Variants in NLN observed in about 807,000 individuals in gnomAD.
NLN encodes neurolysin, mitochondrial.
NLN carries 64 observed loss-of-function variants against 79.9 expected under a neutral mutation model. That is an observed-to-expected ratio of 0.80 (90% CI 0.65 to 0.99). The LOEUF is 0.99. Among genes scored for constraint, NLN ranks in the 50% least tolerant of loss-of-function variants. NLN has a pLI of 0.00. For synonymous variants in NLN, 267 were observed against 296.6 expected (o/e 0.90, Z 1.02); for missense variants, 835 against 858.7 (o/e 0.97, Z 0.34).
chr5:65,822,012 GTA>G lies in NLN; in HGVS notation c.1981-765_1981-764del, dbSNP rs1470488761. ...TTACTCTGTGAATTGTTTATTATCT[GTA>G]TATTTGGAATTATGCTTCTGAATTG... On this transcript the variant is annotated intron_variant, in intron 12 of 12. Transcript: ENST00000380985. Among the ~76,000 whole-genome samples the G allele has an allele frequency of 9.2e-5, 14 of 152,072 alleles. No individual in the cohort carries two copies. The East Asian group carries it at 2.3e-3, about 25-fold the overall frequency.
rs572607053 is a variant in NLN, at chr5:65,772,004, A to G, written c.451-5423A>G. Among the ~76,000 whole-genome samples the G allele has an allele frequency of 2.0e-5, 3 of 150,806 alleles. No homozygotes were observed. In the East Asian group the frequency reaches 5.8e-4, roughly 29 times the overall value. ...ATATCCCAAATTCATTTACAATTTCATTCCTTTTATTTTCCATGTCTTCTT... is the reference window on the plus strand; with the variant it reads ...ATATCCCAAATTCATTTACAATTTCGTTCCTTTTATTTTCCATGTCTTCTT... On this transcript the variant is annotated intron_variant, in intron 3 of 12. Coordinates refer to ENST00000380985, the MANE Select transcript of NLN (RefSeq NM_020726.5).
At chr5:65,776,319 T>G (rs1445922324) in intron 3 of NLN, among the ~76,000 whole-genome samples, 1 of 152,220 alleles carries the variant, frequency 6.6e-6, no homozygotes, top group Non-Finnish European at 1.5e-5. Flanking sequence ...TAGTATTTAG[T>G]TAAAATACAA....
At chr5:65,794,858 C>T (rs1281130182) in intron 9 of NLN, among the ~76,000 whole-genome samples, 3 of 152,092 alleles carry the variant, frequency 2.0e-5, no homozygotes, top group African/African-American at 7.2e-5. Context: ...ATAATTCTGT[C>T]ACCTTTGTTT....
rs1391510023 is a variant in NLN at position 65,829,109 on chromosome 5, T to C, written c.*6194T>C. Reference sequence around the variant, plus strand: ...CTGTCCATTCCACTCACTACTGTCTTCATCACACACACAGAGGCAAACGTC... The same window carrying C: ...CTGTCCATTCCACTCACTACTGTCTCCATCACACACACAGAGGCAAACGTC... On this transcript the variant is annotated 3_prime_UTR_variant, in exon 13 of 13. Transcript: ENST00000380985. 1 of 152,166 alleles carries C rather than the reference T, an allele frequency of 6.6e-6. No individual in the cohort carries two copies. Among genetic ancestry groups the C allele is most frequent in the African/African-American group, 2.4e-5 (1 of 41,442 alleles). The allele number at this position is 152,166 out of a possible 1,614,324, so 9.4% of individuals were successfully genotyped here.
intron 3 of NLN, among the ~76,000 whole-genome samples, chr5:65,764,722 T>C (rs974791798): frequency 2.0e-5 from 3 of 152,200 alleles, no homozygotes; most frequent in Non-Finnish European, 4.4e-5. Context: ...ATTTCAGATT[T>C]GGTTCTGTAA....
At position 65,828,328 on chromosome 5, in the gene NLN, T is replaced by C. The variant is rs1164928822; in HGVS notation, c.*5413T>C. 6.6e-6 allele frequency: 1 copy of C among 152,214 alleles called. No homozygotes were observed. Among genetic ancestry groups the C allele is most frequent in the Non-Finnish European group, 1.5e-5 (1 of 68,036 alleles). The allele number at this position is 152,214 out of a possible 1,614,324, so 9.4% of individuals were successfully genotyped here. A position where few individuals can be genotyped will look rare whatever the true frequency, so the allele number is the denominator to read the frequency against. On this transcript the variant is annotated 3_prime_UTR_variant, in exon 13 of 13. Transcript: ENST00000380985. ...GATCAATTACTGTTGGAATATTGTG[T>C]TCCTTTCTAGATATCACATTTTAAG...
chr5:65,820,579 T>C (rs754171149), intron 12 of NLN, among the ~76,000 whole-genome samples: 11 of 152,160 alleles, frequency 7.2e-5, no homozygotes, highest in East Asian at 1.9e-4. Context: ...TAAATTGTGG[T>C]TGGGCTCAAG....
chr5:65,723,708 G>A (rs1439235362), intron 1 of NLN, among the ~76,000 whole-genome samples: 1 of 150,358 alleles, frequency 6.7e-6, no homozygotes, highest in African/African-American at 2.4e-5. Flanking sequence ...CCAGCTACTC[G>A]GGAGGCTGAG....
At chr5:65,724,804 CT>C (rs558656791) in intron 1 of NLN, among the ~76,000 whole-genome samples, 24,463 of 125,866 alleles carry the variant, frequency 0.19, 1,421 homozygotes, top group Non-Finnish European at 0.23. Flanking sequence ...TTTTTTTTTT[CT>C]TTTTTTTTTT....
At chr5:65,783,808 A>C (rs1307212968) in intron 6 of NLN, among the ~76,000 whole-genome samples, 1 of 152,188 alleles carries the variant, frequency 6.6e-6, no homozygotes, top group Non-Finnish European at 1.5e-5. Flanking sequence ...AGAAACTGCA[A>C]AAAATGAAAG....
chr5:65,735,133 G>A (rs1248830586), intron 1 of NLN, among the ~76,000 whole-genome samples: 11 of 152,076 alleles, frequency 7.2e-5, no homozygotes, highest in African/African-American at 2.7e-4. Context: ...TTTATAAGGG[G>A]CTTTTTCCTC....
rs920713279 is a variant in NLN, at chr5:65,757,897, G to T, written c.42-670G>T. 3.5e-4 allele frequency among the ~76,000 whole-genome samples: 53 copies of T among 152,170 alleles called. 1 individual carries two copies. Among genetic ancestry groups the T allele is most frequent in the Non-Finnish European group, 6.2e-4 (42 of 67,994 alleles). ...ACTTGCAAGGTTTTTTCGAGTCTAT[G>T]TACATAGTAGGTGAAAGTTAGCATT... On this transcript the variant is annotated intron_variant, in intron 1 of 12. Coordinates refer to ENST00000380985, the MANE Select transcript of NLN (RefSeq NM_020726.5).
At chr5:65,736,593 T>G (rs1047813311) in intron 1 of NLN, among the ~76,000 whole-genome samples, 6 of 152,190 alleles carry the variant, frequency 3.9e-5, no homozygotes, top group Non-Finnish European at 7.4e-5. Context: ...TTGTCAAGCC[T>G]TTTGCCAATC....
intron 1 of NLN, among the ~76,000 whole-genome samples, chr5:65,727,252 C>T (rs1224144665): frequency 6.6e-6 from 1 of 152,176 alleles, no homozygotes; most frequent in Non-Finnish European, 1.5e-5. Flanking sequence ...ACTGCGGTCT[C>T]AAACTCTGGT....
chr5:65,808,409 TA>T (rs1760469275), intron 9 of NLN, among the ~76,000 whole-genome samples: 1 of 152,140 alleles, frequency 6.6e-6, no homozygotes, highest in Non-Finnish European at 1.5e-5. Flanking sequence ...GGATGGAATG[TA>T]ATGCATCAGA....
chr5:65,822,972 T>A lies in NLN; in HGVS notation c.*57T>A. 1 of 1,463,194 alleles carries A rather than the reference T, an allele frequency of 6.8e-7. No homozygotes were observed. Among genetic ancestry groups the A allele is most frequent in the Non-Finnish European group, 9.5e-7 (1 of 1,054,484 alleles). 90.6% of individuals were successfully genotyped at this position (1,463,194 alleles called of 1,614,324 possible). A position where few individuals can be genotyped will look rare whatever the true frequency, so the allele number is the denominator to read the frequency against. On this transcript the variant is annotated 3_prime_UTR_variant, in exon 13 of 13. Coordinates refer to ENST00000380985, the MANE Select transcript of NLN (RefSeq NM_020726.5). ...GAGGACAAGTCGACATCACCATGTG[T>A]TACTGGCCTGGAAACTGAAGGGAGT...
chr5:65,738,891 G>A (rs1462183871), intron 1 of NLN, among the ~76,000 whole-genome samples: 1 of 145,768 alleles, frequency 6.9e-6, no homozygotes, highest in South Asian at 2.1e-4. Flanking sequence ...TGAGTAGCTG[G>A]GATCACAGGT....
rs948484709 is a variant in NLN at position 65,825,439 on chromosome 5, A to G, written c.*2524A>G. The G allele has an allele frequency of 6.6e-6, 1 of 152,108 alleles. No individual in the cohort carries two copies. The highest frequency in any genetic ancestry group is 2.4e-5 in the African/African-American group (1 of 41,392). 9.4% of individuals were successfully genotyped at this position (152,108 alleles called of 1,614,324 possible). A position where few individuals can be genotyped will look rare whatever the true frequency, so the allele number is the denominator to read the frequency against. ...GCATTGTTATGTTGTGAAGGATAAAATCTTCAACATCTTATGCAAATGGAT... is the reference window on the plus strand; with the variant it reads ...GCATTGTTATGTTGTGAAGGATAAAGTCTTCAACATCTTATGCAAATGGAT... On this transcript the variant is annotated 3_prime_UTR_variant, in exon 13 of 13. Coordinates refer to ENST00000380985, the MANE Select transcript of NLN (RefSeq NM_020726.5).
At chr5:65,792,321 T>C (rs893457274) in intron 8 of NLN, 133 bp from the exon 9 acceptor site, 16 of 611,440 alleles carry the variant, frequency 2.6e-5, no homozygotes, top group Non-Finnish European at 4.3e-5. Flanking sequence ...AATAACCTAC[T>C]TTCTAAAAGG....
Sources: allele counts gnomAD v4.1 joint callset (sites outside exome capture counted in the v4.1 genomes callset), GRCh38; gene constraint gnomAD v4.1.1; transcripts MANE v1.5; gene names NCBI Gene and HGNC (gene_info 2026-07-23, HGNC 2026-07-21).